The following EPB41L4A variants were observed in gnomAD, a reference collection of about 807,000 sequenced individuals.
The protein encoded by EPB41L4A is band 4.1-like protein 4A.
A neutral mutation model predicts 108.6 loss-of-function variants in EPB41L4A; 100 were observed. The observed-to-expected ratio is 0.92, with a 90% confidence interval of 0.78 to 1.09. The LOEUF (loss-of-function observed/expected upper bound fraction) is 1.09, where lower values mean the gene tolerates loss of function less well. Ranked by LOEUF, EPB41L4A falls within the 50% of genes least tolerant of loss-of-function variation. The pLI is 0.00. For missense variants in EPB41L4A, 1,030 were observed against 842.7 expected (o/e 1.22, Z -2.75); for synonymous variants, 319 against 289.0 (o/e 1.10, Z -1.05).
intron 9 of EPB41L4A, among the ~76,000 whole-genome samples, chr5:112,255,484 T>C (rs1373165272): frequency 6.6e-6 from 1 of 152,174 alleles, no homozygotes; most frequent in Non-Finnish European, 1.5e-5. Context: ...ACTCACCTTG[T>C]CAATGATCTC....
chr5:112,268,571 T>C lies in EPB41L4A; in HGVS notation c.336-2241A>G, dbSNP rs560825124. Among the ~76,000 whole-genome samples the C allele has an allele frequency of 3.9e-5, 6 of 152,146 alleles. No individual in the cohort carries two copies. In the South Asian group the frequency reaches 1.2e-3, roughly 32 times the overall value. Reference sequence around the variant, plus strand: ...AATTTCTCTTCCTCTATTAAGACTTTGTGCACAGTGGTTCACACCTGTAAC... The same window carrying C: ...AATTTCTCTTCCTCTATTAAGACTTCGTGCACAGTGGTTCACACCTGTAAC... On this transcript the variant is annotated intron_variant, in intron 4 of 22. Coordinates refer to ENST00000261486, the MANE Select transcript of EPB41L4A (RefSeq NM_022140.5).
intron 1 of EPB41L4A, among the ~76,000 whole-genome samples, chr5:112,397,007 G>C (rs953641512): frequency 2.0e-5 from 3 of 152,148 alleles, no homozygotes; most frequent in African/African-American, 7.2e-5. Flanking sequence ...ATACCCATGG[G>C]AACTGGGCTT....
At chr5:112,262,215 G>A (rs1409913528) in intron 7 of EPB41L4A, among the ~76,000 whole-genome samples, 6 of 151,998 alleles carry the variant, frequency 3.9e-5, no homozygotes, top group African/African-American at 1.5e-4. Context: ...ATTTTATATT[G>A]TTTTGATGTT....
chr5:112,219,072 CTT>C (rs1747854926), intron 12 of EPB41L4A, among the ~76,000 whole-genome samples: 2 of 152,180 alleles, frequency 1.3e-5, no homozygotes, highest in South Asian at 2.1e-4. Flanking sequence ...TCTTTTTTCT[CTT>C]TGTGTTTGCA....
chr5:112,185,279 A>G (rs1413497589), intron 17 of EPB41L4A, among the ~76,000 whole-genome samples: 1 of 152,202 alleles, frequency 6.6e-6, no homozygotes, highest in Non-Finnish European at 1.5e-5. Flanking sequence ...ACAAAAGTAA[A>G]AAGAACAGGC....
At chr5:112,378,626 G>A (rs1257432390) in intron 1 of EPB41L4A, among the ~76,000 whole-genome samples, 5 of 152,158 alleles carry the variant, frequency 3.3e-5, no homozygotes, top group Non-Finnish European at 7.4e-5. Flanking sequence ...TGGGGTGGAG[G>A]GCTGTGGAGA....
chr5:112,156,089 T>C (rs1759635992), intron 12 of EPB41L4A, among the ~76,000 whole-genome samples: 1 of 152,164 alleles, frequency 6.6e-6, no homozygotes, highest in Non-Finnish European at 1.5e-5. Context: ...TCAGAAAATG[T>C]ATTAATGCAA....
At chr5:112,211,557 C>T (rs1762744281) in intron 12 of EPB41L4A, among the ~76,000 whole-genome samples, 1 of 149,998 alleles carries the variant, frequency 6.7e-6, no homozygotes. Context: ...CACTACACTC[C>T]AGCCCTGGCT....
intron 1 of EPB41L4A, among the ~76,000 whole-genome samples, chr5:112,338,087 A>G (rs2150687378): frequency 6.6e-6 from 1 of 152,176 alleles, no homozygotes; most frequent in East Asian, 1.9e-4. Flanking sequence ...ACCCTCCAAA[A>G]TGCCATGTGT....
intron 1 of EPB41L4A, among the ~76,000 whole-genome samples, chr5:112,308,289 AG>A: frequency 6.6e-6 from 1 of 152,296 alleles, no homozygotes; most frequent in African/African-American, 2.4e-5. Context: ...TCCCACAACA[AG>A]TCTCACATTA....
intron 1 of EPB41L4A, among the ~76,000 whole-genome samples, chr5:112,339,887 C>T (rs1311355144): frequency 6.6e-6 from 1 of 152,060 alleles, no homozygotes; most frequent in Admixed American, 6.6e-5. Context: ...TAACTTCAGA[C>T]CTCATGGAAG....
At chr5:112,254,631 C>T (rs901779454) in intron 9 of EPB41L4A, among the ~76,000 whole-genome samples, 3 of 152,134 alleles carry the variant, frequency 2.0e-5, no homozygotes, top group African/African-American at 7.2e-5. Flanking sequence ...GGAACCACCC[C>T]ACCTTCTTTA....
intron 1 of EPB41L4A, among the ~76,000 whole-genome samples, chr5:112,312,930 C>T (rs1462877833): frequency 2.0e-5 from 3 of 152,138 alleles, no homozygotes; most frequent in South Asian, 2.1e-4. Flanking sequence ...TGACATAGAA[C>T]CAAAGTGCAA....
chr5:112,257,255 C>T (rs1419988933), intron 9 of EPB41L4A: 1 of 152,152 alleles, frequency 6.6e-6, no homozygotes, highest in Non-Finnish European at 1.5e-5. Flanking sequence ...AAACAGAATG[C>T]TTTGACTAAA....
chr5:112,225,150 C>G (rs1748362753), intron 12 of EPB41L4A, among the ~76,000 whole-genome samples: 1 of 152,208 alleles, frequency 6.6e-6, no homozygotes, highest in African/African-American at 2.4e-5. Flanking sequence ...CTAGAACTTG[C>G]TACACCTGCA....
At chr5:112,329,438 C>T (rs1354090928) in intron 1 of EPB41L4A, among the ~76,000 whole-genome samples, 1 of 152,160 alleles carries the variant, frequency 6.6e-6, no homozygotes, top group Non-Finnish European at 1.5e-5. Context: ...TCTCTTAATA[C>T]AAACCCTCCC....
chr5:112,213,298 T>C (rs1175805304), intron 12 of EPB41L4A, among the ~76,000 whole-genome samples: 1 of 152,134 alleles, frequency 6.6e-6, no homozygotes, highest in Non-Finnish European at 1.5e-5. Context: ...ATGGTTCCTT[T>C]ATATTCAAAA....
intron 13 of EPB41L4A, among the ~76,000 whole-genome samples, chr5:112,144,939 C>A (rs1159893850): frequency 6.6e-6 from 1 of 152,128 alleles, no homozygotes; most frequent in African/African-American, 2.4e-5. Flanking sequence ...CTTTGCCATG[C>A]CACACTTTTT....
chr5:112,275,176 G>A (rs1752539067), intron 4 of EPB41L4A, 150 bp downstream of exon 4: 1 of 960,020 alleles, frequency 1.0e-6, no homozygotes, highest in Non-Finnish European at 1.5e-6. Context: ...TTCATGCAAT[G>A]CTAGTTTAAA....
Sources: allele counts gnomAD v4.1 joint callset (sites outside exome capture counted in the v4.1 genomes callset), GRCh38; gene constraint gnomAD v4.1.1; transcripts MANE v1.5; gene names NCBI Gene and HGNC (gene_info 2026-07-23, HGNC 2026-07-21).